Variants in FHIP1A observed in about 807,000 individuals in gnomAD.
FHIP1A encodes the protein FHF complex subunit HOOK-interacting protein 1A.
In FHIP1A, 61 loss-of-function variants were observed where a neutral mutation model predicts 88.6. That is an observed-to-expected ratio of 0.69 (90% CI 0.56 to 0.85). FHIP1A has a LOEUF of 0.85. Ranked by LOEUF, FHIP1A falls within the 40% of genes least tolerant of loss-of-function variation. The pLI is 0.00. For missense variants in FHIP1A, 1,154 were observed against 1,273.5 expected, an observed-to-expected ratio of 0.91 and a Z score of 1.43; for synonymous variants, 478 against 496.0, an observed-to-expected ratio of 0.96 and a Z score of 0.48.
intron 2 of FHIP1A, among the ~76,000 whole-genome samples, chr4:151,475,866 AT>A (rs1224400029): frequency 1.3e-3 from 103 of 77,220 alleles, no homozygotes; most frequent in Admixed American, 2.7e-3. Context: ...TCTATTATCG[AT>A]TTTTTTTTTT....
At position 151,547,924 on chromosome 4, in the gene FHIP1A, GA is replaced by G. The variant is rs75095708; in HGVS notation, c.-122-18201del. On this transcript the variant is annotated intron_variant, in intron 3 of 13. Transcript: ENST00000435205. ...GTGAGACTCCCTCTCAAAAGAAAAA[GA>G]AAAAAAAAAAAAGATTGTGGTGAGC... 7.7e-3 allele frequency among the ~76,000 whole-genome samples: 1,030 copies of G among 133,234 alleles called. 18 individuals carry two copies. Among genetic ancestry groups the G allele is most frequent in the East Asian group, 0.039 (179 of 4,644 alleles). The allele number at this position is 133,234 out of a possible 152,430, so 87.4% of individuals were successfully genotyped here.
At chr4:151,576,267 G>GT (rs1451940887) in intron 4 of FHIP1A, among the ~76,000 whole-genome samples, 1 of 152,108 alleles carries the variant, frequency 6.6e-6, no homozygotes, top group Admixed American at 6.6e-5. Context: ...TGTTAATTGA[G>GT]TTTTTTGTGG....
At chr4:151,415,702 T>C (rs1479324986) in intron 1 of FHIP1A, among the ~76,000 whole-genome samples, 1 of 152,222 alleles carries the variant, frequency 6.6e-6, no homozygotes, top group Non-Finnish European at 1.5e-5. Context: ...ATGAACATAT[T>C]CTTTCTTTCT....
intron 1 of FHIP1A, among the ~76,000 whole-genome samples, chr4:151,417,939 G>A (rs923363571): frequency 2.6e-5 from 4 of 152,094 alleles, no homozygotes; most frequent in Non-Finnish European, 5.9e-5. Context: ...GCAGGCAGAG[G>A]TAGGAAGATT....
At chr4:151,606,849 T>G (rs1438887056) in intron 7 of FHIP1A, among the ~76,000 whole-genome samples, 1 of 152,198 alleles carries the variant, frequency 6.6e-6, no homozygotes, top group Non-Finnish European at 1.5e-5. Context: ...AAAGCATACC[T>G]ATGTGCCCAC....
At chr4:151,640,593 C>T (rs527332869) in intron 9 of FHIP1A, among the ~76,000 whole-genome samples, 1 of 152,328 alleles carries the variant, frequency 6.6e-6, no homozygotes, top group South Asian at 2.1e-4. Context: ...CAGGCTTTTA[C>T]TCCAAAGTGG....
At chr4:151,548,442 G>A (rs996980437) in intron 3 of FHIP1A, among the ~76,000 whole-genome samples, 6 of 152,136 alleles carry the variant, frequency 3.9e-5, no homozygotes, top group African/African-American at 9.7e-5. Flanking sequence ...TAAGATAGGA[G>A]GTCAGCACAA....
intron 7 of FHIP1A, among the ~76,000 whole-genome samples, chr4:151,606,979 G>A (rs542920439): frequency 6.6e-6 from 1 of 152,292 alleles, no homozygotes; most frequent in Middle Eastern, 3.4e-3. Context: ...ACAGGCAGGC[G>A]CTGGTTCCGG....
chr4:151,638,647 G>T (rs1384502559), intron 8 of FHIP1A, 30 bp from the exon 9 acceptor site: 19 of 1,395,818 alleles, frequency 1.4e-5, no homozygotes, highest in Non-Finnish European at 1.7e-5. Context: ...TCCAACATCT[G>T]AACTAGAATG....
chr4:151,504,559 A>C (rs988969625), intron 3 of FHIP1A, among the ~76,000 whole-genome samples: 19 of 137,006 alleles, frequency 1.4e-4, no homozygotes, highest in Non-Finnish European at 1.5e-4. Context: ...GCTGGGAAAA[A>C]ATTTTATGTT....
intron 5 of FHIP1A, among the ~76,000 whole-genome samples, chr4:151,583,311 TG>T (rs1734092743): frequency 6.6e-6 from 1 of 152,234 alleles, no homozygotes; most frequent in African/African-American, 2.4e-5. Flanking sequence ...AGGCACTTTT[TG>T]TAGTGGCAGG....
intron 5 of FHIP1A, among the ~76,000 whole-genome samples, chr4:151,582,870 A>T (rs1734076195): frequency 6.6e-6 from 1 of 152,194 alleles, no homozygotes. Context: ...TAATAATTTA[A>T]TTCTAAGTTA....
chr4:151,506,585 G>C (rs1214016073), intron 3 of FHIP1A, among the ~76,000 whole-genome samples: 1 of 152,114 alleles, frequency 6.6e-6, no homozygotes, highest in Non-Finnish European at 1.5e-5. Context: ...TAAGAGAGCA[G>C]AAGCAAGAGA....
chr4:151,522,869 T>G (rs762895359), intron 3 of FHIP1A, among the ~76,000 whole-genome samples: 7 of 152,228 alleles, frequency 4.6e-5, no homozygotes, highest in Non-Finnish European at 1.0e-4. Flanking sequence ...TTGTTCTCCT[T>G]CCATCCCTTT....
intron 3 of FHIP1A, among the ~76,000 whole-genome samples, chr4:151,502,256 G>A (rs1184196253): frequency 6.6e-6 from 1 of 151,970 alleles, no homozygotes; most frequent in Non-Finnish European, 1.5e-5. Context: ...GATCAAGGCT[G>A]CAGTGAGCTG....
chr4:151,518,066 T>C (rs771838893), intron 3 of FHIP1A, among the ~76,000 whole-genome samples: 2 of 152,224 alleles, frequency 1.3e-5, no homozygotes, highest in African/African-American at 2.4e-5. Context: ...TGTACAGTCA[T>C]GTCCTAGGCC....
chr4:151,432,443 C>T (rs961026308), intron 1 of FHIP1A, among the ~76,000 whole-genome samples: 2 of 152,120 alleles, frequency 1.3e-5, no homozygotes, highest in African/African-American at 4.8e-5. Flanking sequence ...GTGAACAAAG[C>T]AAGCAAGGTT....
At chr4:151,447,879 A>G (rs1728661739) in intron 1 of FHIP1A, among the ~76,000 whole-genome samples, 1 of 152,092 alleles carries the variant, frequency 6.6e-6, no homozygotes, top group Admixed American at 6.6e-5. Context: ...CCTTGCCTGC[A>G]CCTCGATCTT....
intron 3 of FHIP1A, among the ~76,000 whole-genome samples, chr4:151,503,887 C>A (rs781317724): frequency 6.6e-5 from 10 of 152,204 alleles, no homozygotes; most frequent in Non-Finnish European, 1.3e-4. Context: ...TCTTTCAATT[C>A]TGTTCCCATC....
Sources: allele counts gnomAD v4.1 joint callset (sites outside exome capture counted in the v4.1 genomes callset), GRCh38; gene constraint gnomAD v4.1.1; transcripts MANE v1.5; gene names NCBI Gene and HGNC (gene_info 2026-07-23, HGNC 2026-07-21).